Variants in SRGAP2C observed in about 807,000 individuals in gnomAD.
SRGAP2C encodes the protein SLIT-ROBO Rho GTPase-activating protein 2C.
In SRGAP2C, 15 loss-of-function variants were observed where a neutral mutation model predicts 25.1. That is an observed-to-expected ratio of 0.60 (90% confidence interval 0.40 to 0.92). The LOEUF (loss-of-function observed/expected upper bound fraction) is 0.92, where lower values mean the gene tolerates loss of function less well. SRGAP2C is among the 40% of genes least tolerant of loss of function. The pLI is 0.00. For missense variants in SRGAP2C, 144 were observed against 264.4 expected (o/e 0.54, Z 3.16); for synonymous variants, 44 against 96.6 (o/e 0.46, Z 3.19).
chr1:121,271,139 T>A (rs2101547858), intron 2 of SRGAP2C, among the ~76,000 whole-genome samples: 1 of 151,230 alleles, frequency 6.6e-6, no homozygotes. Flanking sequence ...TTTTTTAAAC[T>A]TAACCACTAA....
intron 2 of SRGAP2C, among the ~76,000 whole-genome samples, chr1:121,212,090 A>G (rs1655271997): frequency 8.0e-6 from 1 of 125,684 alleles, no homozygotes; most frequent in Non-Finnish European, 1.6e-5. Context: ...GTTATTAACA[A>G]GACCGAGGAA....
At chr1:121,314,131 A>G (rs1296737647) in intron 3 of SRGAP2C, among the ~76,000 whole-genome samples, 1 of 88,814 alleles carries the variant, frequency 1.1e-5, no homozygotes, top group Admixed American at 1.2e-4. Flanking sequence ...ATTTCTTTTT[A>G]TTCTTTTTTC....
intron 4 of SRGAP2C, among the ~76,000 whole-genome samples, chr1:121,353,430 G>GTA: frequency 1.4e-5 from 2 of 147,994 alleles, no homozygotes; most frequent in South Asian, 4.4e-4. Context: ...TGATCTTCCT[G>GTA]CCTTGGCCTT....
chr1:121,304,974 A>G (rs1657794929), intron 3 of SRGAP2C, among the ~76,000 whole-genome samples: 2 of 152,232 alleles, frequency 1.3e-5, no homozygotes, highest in South Asian at 4.1e-4. Flanking sequence ...TGAGAGACCC[A>G]TGTATCCATA....
chr1:121,210,210 C>A (rs1473212344), intron 2 of SRGAP2C, among the ~76,000 whole-genome samples: 1 of 151,870 alleles, frequency 6.6e-6, no homozygotes, highest in African/African-American at 2.4e-5. Context: ...TTTTTATTCC[C>A]GAGTTGGATA....
rs1553342614 is a variant in SRGAP2C at position 121,337,496 on chromosome 1, G to A, written c.423+12856G>A. 2.9e-4 allele frequency among the ~76,000 whole-genome samples: 43 copies of A among 150,354 alleles called. No individual in the cohort carries two copies. The South Asian group carries it at 5.7e-3, about 20-fold the overall frequency. ...AAAATACAGAAATTAGCCAGGCGTC[G>A]TGGTGTATTCCTGTAATCTCAGCTA... is the stretch of plus-strand genomic sequence containing the variant. On this transcript the variant is annotated intron_variant, in intron 4 of 9. Coordinates refer to ENST00000367123, the MANE Select transcript of SRGAP2C (RefSeq NM_001329984.2).
At chr1:121,338,852 C>CA (rs1372802942) in intron 4 of SRGAP2C, among the ~76,000 whole-genome samples, 1 of 141,934 alleles carries the variant, frequency 7.0e-6, no homozygotes, top group Non-Finnish European at 1.5e-5. Flanking sequence ...AGCAAACAAA[C>CA]AAAAAACCCT....
chr1:121,255,415 T>G (rs1656436086), intron 2 of SRGAP2C, among the ~76,000 whole-genome samples: 1 of 151,842 alleles, frequency 6.6e-6, no homozygotes, highest in Non-Finnish European at 1.5e-5. Flanking sequence ...CAGACTTCCC[T>G]TGTTCCCAAT....
At chr1:121,263,220 AG>A (rs1328185468) in intron 2 of SRGAP2C, among the ~76,000 whole-genome samples, 2 of 150,684 alleles carry the variant, frequency 1.3e-5, no homozygotes, top group African/African-American at 4.9e-5. Flanking sequence ...GCTACTCCAG[AG>A]GCTGAGGCAT....
In SRGAP2C at chr1:121,324,545, A is replaced by T; in HGVS notation, c.328A>T (p.Ser110Cys). ...CCTCTTAAACCAGGTGAAGTGGGAA[A>T]GCAGGGACCATACCACCCTGAGTGA... Reference protein sequence around the residue: ...NLLLNQVKWESRDHTTLSDIY... With the variant: ...NLLLNQVKWECRDHTTLSDIY... The change falls in exon 4 of 10, where the codon AGC becomes TGC. Residue 110 changes from serine to cysteine, a missense_variant. This residue lies in a region of SRGAP2C where 61 missense variants were observed against 61.7 expected (regional missense o/e 0.99). Transcript: ENST00000367123. The T allele has an allele frequency of 6.2e-7, 1 of 1,613,376 alleles. No individual in the cohort carries two copies. Among genetic ancestry groups the T allele is most frequent in the Non-Finnish European group, 8.5e-7 (1 of 1,179,366 alleles).
intron 2 of SRGAP2C, among the ~76,000 whole-genome samples, chr1:121,212,491 C>T (rs1438666071): frequency 6.6e-6 from 1 of 151,498 alleles, no homozygotes; most frequent in African/African-American, 2.4e-5. Context: ...GTGGCAGTGG[C>T]AGTATTGTAT....
At chr1:121,191,617 G>A (rs1553319778) in intron 2 of SRGAP2C, among the ~76,000 whole-genome samples, 4 of 151,020 alleles carry the variant, frequency 2.6e-5, no homozygotes, top group Non-Finnish European at 3.0e-5. Flanking sequence ...GAGCAGCGAA[G>A]GTGGTAAGGT....
intron 4 of SRGAP2C, among the ~76,000 whole-genome samples, chr1:121,328,858 G>C (rs1477620206): frequency 1.4e-5 from 2 of 144,830 alleles, no homozygotes; most frequent in Admixed American, 1.4e-4. Flanking sequence ...CTGTACTCTA[G>C]CTTGAGTAAC....
At chr1:121,329,861 G>T (rs1658396518) in intron 4 of SRGAP2C, among the ~76,000 whole-genome samples, 1 of 152,190 alleles carries the variant, frequency 6.6e-6, no homozygotes, top group African/African-American at 2.4e-5. Context: ...TCTAGGACAA[G>T]AGGGAAAATT....
chr1:121,370,600 C>G (rs1450641361), intron 5 of SRGAP2C, among the ~76,000 whole-genome samples: 1 of 150,886 alleles, frequency 6.6e-6, no homozygotes, highest in African/African-American at 2.4e-5. Context: ...CGCCACCACG[C>G]CCAGTTAATT....
At chr1:121,211,461 AT>A (rs1481136567) in intron 2 of SRGAP2C, among the ~76,000 whole-genome samples, 2 of 146,158 alleles carry the variant, frequency 1.4e-5, no homozygotes, top group African/African-American at 2.5e-5. Context: ...ACACACACAC[AT>A]CTTACCTTAT....
chr1:121,230,600 T>C (rs1231639064), intron 2 of SRGAP2C, among the ~76,000 whole-genome samples: 4 of 148,778 alleles, frequency 2.7e-5, no homozygotes, highest in Non-Finnish European at 5.9e-5. Flanking sequence ...TGCTGTTCCC[T>C]CTGCCTGGAA....
At chr1:121,272,503 G>T (rs587630266) in intron 2 of SRGAP2C, among the ~76,000 whole-genome samples, 2 of 151,744 alleles carry the variant, frequency 1.3e-5, no homozygotes, top group African/African-American at 2.4e-5. Context: ...TAAAAAGGTG[G>T]TTCCCCCTCT....
At chr1:121,273,629 G>A (rs1657031804) in intron 2 of SRGAP2C, among the ~76,000 whole-genome samples, 1 of 151,448 alleles carries the variant, frequency 6.6e-6, no homozygotes. Context: ...AGCTTCATGA[G>A]AGGATGATTG....
Sources: allele counts gnomAD v4.1 joint callset (sites outside exome capture counted in the v4.1 genomes callset), GRCh38; gene constraint gnomAD v4.1.1; regional missense constraint gnomAD v4.1.1; transcripts MANE v1.5; gene names NCBI Gene and HGNC (gene_info 2026-07-23, HGNC 2026-07-21).